MRPL48: variants seen among roughly 807,000 people sequenced by gnomAD.
MRPL48 encodes large ribosomal subunit protein mL48.
In MRPL48, 16 loss-of-function variants were observed where a neutral mutation model predicts 32.9. That is an observed-to-expected ratio of 0.49 (90% CI 0.33 to 0.74). The LOEUF is 0.74. MRPL48 is among the 30% of genes least tolerant of loss of function. The pLI, the probability that MRPL48 is intolerant of heterozygous loss-of-function variation, is 0.02. For synonymous variants in MRPL48, 94 were observed against 89.2 expected, an observed-to-expected ratio of 1.05 and a Z score of -0.31; for missense variants, 206 against 245.3, an observed-to-expected ratio of 0.84 and a Z score of 1.07.
intron 5 of MRPL48, among the ~76,000 whole-genome samples, chr11:73,849,992 T>C (rs1948360943): frequency 6.6e-6 from 1 of 152,044 alleles, no homozygotes; most frequent in Non-Finnish European, 1.5e-5. Flanking sequence ...CCCTGCCACT[T>C]GGGAGGCTGA....
At chr11:73,837,738 A>G (rs1948128170) in intron 4 of MRPL48, among the ~76,000 whole-genome samples, 1 of 152,148 alleles carries the variant, frequency 6.6e-6, no homozygotes, top group African/African-American at 2.4e-5. Flanking sequence ...CATCCTCCCT[A>G]CTACGTTTCT....
chr11:73,837,158 G>A lies in MRPL48; in HGVS notation c.202-7649G>A, dbSNP rs1948117999. On this transcript the variant is annotated intron_variant, in intron 4 of 7. Coordinates refer to ENST00000310614, the MANE Select transcript of MRPL48 (RefSeq NM_016055.6). ...ATGCTGCAGGCATATCAGCCTTTTT[G>A]TTTGAGGATTCAGATAATGGATTAA... is the stretch of plus-strand genomic sequence containing the variant. Among the ~76,000 whole-genome samples, 4 of 152,272 alleles carry A rather than the reference G, an allele frequency of 2.6e-5. No homozygotes were observed. In the South Asian group the frequency reaches 8.3e-4, roughly 32 times the overall value.
At chr11:73,815,893 T>A (rs918630338) in intron 3 of MRPL48, among the ~76,000 whole-genome samples, 51 of 106,562 alleles carry the variant, frequency 4.8e-4, no homozygotes, top group Non-Finnish European at 7.5e-4. Context: ...TTGACTTTTA[T>A]TTTTTTTTTT....
In MRPL48 at chr11:73,812,473, CA is replaced by C. The variant is rs144669130; in HGVS notation, c.112+4124del. On this transcript the variant is annotated intron_variant, in intron 3 of 7. Transcript: ENST00000310614. Reference sequence around the variant, plus strand: ...AATTGGAGATTTTGATAAGTATTGCCAGACTATCCACCAGAGAAGTTGTATT... The same window carrying C: ...AATTGGAGATTTTGATAAGTATTGCCGACTATCCACCAGAGAAGTTGTATT... Among the ~76,000 whole-genome samples, 303 of 152,022 alleles carry C rather than the reference CA, an allele frequency of 2.0e-3. 2 individuals carry two copies. The highest frequency in any genetic ancestry group is 6.7e-3 in the African/African-American group (278 of 41,480).
At chr11:73,813,908 G>A (rs1947612442) in intron 3 of MRPL48, among the ~76,000 whole-genome samples, 1 of 151,888 alleles carries the variant, frequency 6.6e-6, no homozygotes, top group South Asian at 2.1e-4. Context: ...GGACGTGGTG[G>A]CAGGTGCCTG....
intron 3 of MRPL48, among the ~76,000 whole-genome samples, chr11:73,815,021 A>T (rs942750496): frequency 6.6e-6 from 1 of 152,012 alleles, no homozygotes; most frequent in Admixed American, 6.6e-5. Context: ...TAAATAAATA[A>T]AACAAAAAAG....
At chr11:73,861,513 G>A (rs1948583818) in intron 6 of MRPL48, among the ~76,000 whole-genome samples, 1 of 152,142 alleles carries the variant, frequency 6.6e-6, no homozygotes, top group South Asian at 2.1e-4. Flanking sequence ...GGGATTACAG[G>A]CATGCGCCAC....
chr11:73,850,671 C>T, intron 5 of MRPL48: 1 of 257,348 alleles, frequency 3.9e-6, no homozygotes, highest in Non-Finnish European at 7.4e-6. Flanking sequence ...GAGGTCTGGG[C>T]TATACAATTT....
intron 2 of MRPL48, 69 bp downstream of exon 2, chr11:73,805,148 T>C: frequency 7.6e-7 from 1 of 1,310,980 alleles, no homozygotes; most frequent in Non-Finnish European, 1.1e-6. Context: ...TCACACAGCA[T>C]TTTTTCATCA....
chr11:73,862,868 A>G (rs1022061982), intron 6 of MRPL48, among the ~76,000 whole-genome samples: 6 of 152,040 alleles, frequency 3.9e-5, no homozygotes, highest in African/African-American at 1.2e-4. Context: ...GCGGTGAGCT[A>G]TGATTGTTCT....
chr11:73,864,168 T>C, intron 7 of MRPL48, 128 bp from the exon 8 acceptor site: 1 of 749,006 alleles, frequency 1.3e-6, no homozygotes, highest in Non-Finnish European at 2.2e-6. Context: ...TAGTAGATAA[T>C]AAAAGTTACT....
At chr11:73,847,827 A>AC (rs1406387337) in intron 5 of MRPL48, among the ~76,000 whole-genome samples, 1 of 151,930 alleles carries the variant, frequency 6.6e-6, no homozygotes, top group Non-Finnish European at 1.5e-5. Context: ...TGATCCACCC[A>AC]CCGTGACCTC....
At chr11:73,846,076 A>G (rs1590993299) in intron 5 of MRPL48, among the ~76,000 whole-genome samples, 1 of 151,064 alleles carries the variant, frequency 6.6e-6, no homozygotes, top group African/African-American at 2.4e-5. Flanking sequence ...TCAAAAAAAA[A>G]AAAAAAAAAA....
intron 5 of MRPL48, 81 bp from the exon 6 acceptor site, chr11:73,859,826 G>A (rs1948552333): frequency 8.5e-7 from 1 of 1,181,084 alleles, no homozygotes; most frequent in South Asian, 1.3e-5. Flanking sequence ...TGCCATAGTG[G>A]CTATACTCAT....
chr11:73,808,453 T>C, intron 3 of MRPL48, 103 bp downstream of exon 3: 1 of 1,208,590 alleles, frequency 8.3e-7, no homozygotes, highest in Non-Finnish European at 1.2e-6. Flanking sequence ...TTGAGAACAG[T>C]GGCCTGAACC....
At chr11:73,791,290 T>C (rs1175141909) in intron 1 of MRPL48, among the ~76,000 whole-genome samples, 1 of 152,244 alleles carries the variant, frequency 6.6e-6, no homozygotes, top group Non-Finnish European at 1.5e-5. Flanking sequence ...GGCTTTCCTA[T>C]GTGTCAGACC....
chr11:73,811,318 G>A lies in MRPL48; in HGVS notation c.112+2968G>A, dbSNP rs115021424. On this transcript the variant is annotated intron_variant, in intron 3 of 7. Transcript: ENST00000310614. Reference sequence around the variant, plus strand: ...GGGTTGTGGAAATTAACCATGAGGTGACAAGTGAATGAAAGTCCAAGAGTT... The same window carrying A: ...GGGTTGTGGAAATTAACCATGAGGTAACAAGTGAATGAAAGTCCAAGAGTT... Among the ~76,000 whole-genome samples, 243 of 152,242 alleles carry A rather than the reference G, an allele frequency of 1.6e-3. 1 individual carries two copies. Among genetic ancestry groups the A allele is most frequent in the African/African-American group, 5.5e-3 (229 of 41,536 alleles).
chr11:73,860,110 A>G (rs1948560021), intron 6 of MRPL48, 101 bp downstream of exon 6: 1 of 986,168 alleles, frequency 1.0e-6, no homozygotes, highest in African/African-American at 1.6e-5. Context: ...TCTTTCTTGA[A>G]TAATAGTGTT....
At chr11:73,842,022 C>T (rs933852103) in intron 4 of MRPL48, 1 of 152,196 alleles carries the variant, frequency 6.6e-6, no homozygotes, top group East Asian at 1.9e-4. Context: ...TCAATCACCA[C>T]TCACTGCAAC....
Sources: gnomAD v4.1 joint callset for allele counts (sites outside exome capture counted in the v4.1 genomes callset) on GRCh38, gnomAD v4.1.1 for gene constraint, MANE v1.5 for transcripts, NCBI Gene and HGNC (gene_info 2026-07-23, HGNC 2026-07-21) for gene names.